Variants in LY96 observed in about 807,000 individuals in gnomAD.
LY96 encodes lymphocyte antigen 96.
In LY96, 18 loss-of-function variants were observed where a neutral mutation model predicts 18.9. The ratio of observed to expected loss-of-function variants is 0.95; its 90% CI spans 0.66 to 1.41. The LOEUF (loss-of-function observed/expected upper bound fraction) is 1.41, where lower values mean the gene tolerates loss of function less well. LY96 is among the 40% of genes most tolerant of loss of function. The probability of loss-of-function intolerance (pLI) is 0.00; values close to 1 mark genes in which losing one functional copy is unlikely to be tolerated. For missense variants in LY96, 175 were observed against 182.4 expected, an observed-to-expected ratio of 0.96 and a Z score of 0.23; for synonymous variants, 66 against 62.6, an observed-to-expected ratio of 1.06 and a Z score of -0.26.
At chr8:74,097,257 T>A in the LY96 span, among the ~76,000 whole-genome samples, 1 of 152,174 alleles carries the variant, frequency 6.6e-6, no homozygotes. Context: ...CGTTAGGCTG[T>A]CTGGGTACAA....
the LY96 span, among the ~76,000 whole-genome samples, chr8:74,044,985 A>G: frequency 6.6e-6 from 1 of 152,264 alleles, no homozygotes. Context: ...TTAAGCTGTG[A>G]GAATGTATAA....
chr8:74,078,516 C>A, the LY96 span, among the ~76,000 whole-genome samples: 2 of 152,172 alleles, frequency 1.3e-5, no homozygotes, highest in Non-Finnish European at 2.9e-5. Context: ...TATTAAGACT[C>A]ATATTTGGGA....
the LY96 span, among the ~76,000 whole-genome samples, chr8:74,035,523 C>G: frequency 6.6e-6 from 1 of 152,170 alleles, no homozygotes; most frequent in Non-Finnish European, 1.5e-5. Flanking sequence ...AATGAACTCC[C>G]TCCTCTCAGC....
chr8:74,081,033 T>A, the LY96 span, among the ~76,000 whole-genome samples: 378 of 126,194 alleles, frequency 3.0e-3, 4 homozygotes, highest in African/African-American at 5.1e-3. Flanking sequence ...TTTCTTTCTT[T>A]CTTTCTTTCT....
chr8:74,087,472 C>T, the LY96 span, among the ~76,000 whole-genome samples: 2 of 152,132 alleles, frequency 1.3e-5, no homozygotes, highest in African/African-American at 2.4e-5. Context: ...AAAACAAAGC[C>T]GTCAGCACTC....
chr8:74,048,330 T>G, the LY96 span, among the ~76,000 whole-genome samples: 2 of 152,094 alleles, frequency 1.3e-5, no homozygotes, highest in African/African-American at 4.8e-5. Context: ...GGTGCAATCT[T>G]GGCTCACTGC....
chr8:74,003,848 T>C (rs986470436), intron 1 of LY96, among the ~76,000 whole-genome samples: 1 of 152,150 alleles, frequency 6.6e-6, no homozygotes. Context: ...TTAATTTTCT[T>C]TTTCTTTCTT....
chr8:74,002,093 T>TTCTTTCTTTCTTTCTTTCTC (rs1563710943), intron 1 of LY96, among the ~76,000 whole-genome samples: 6 of 38,724 alleles, frequency 1.5e-4, no homozygotes, highest in East Asian at 6.0e-4. Flanking sequence ...CTTTCTTTCT[T>TTCTTTCTTTCTTTCTTTCTC]TCTCTCTCTC....
intron 1 of LY96, among the ~76,000 whole-genome samples, chr8:74,002,074 CCTTTCTTT>C (rs1563710848): frequency 3.7e-4 from 6 of 16,412 alleles, no homozygotes; most frequent in African/African-American, 1.2e-3. Context: ...TTCCTTCCTT[CCTTTCTTT>C]CTTTCTTTCT....
intron 1 of LY96, among the ~76,000 whole-genome samples, chr8:73,995,349 C>T (rs1235325073): frequency 6.6e-6 from 1 of 152,228 alleles, no homozygotes; most frequent in Non-Finnish European, 1.5e-5. Context: ...CTCACTGTGT[C>T]CTCACATGGC....
intron 3 of LY96, among the ~76,000 whole-genome samples, chr8:74,022,498 G>A (rs1816788224): frequency 1.3e-5 from 2 of 151,366 alleles, no homozygotes; most frequent in African/African-American, 4.9e-5. Context: ...CAACAGAAGA[G>A]GTTAGAACTC....
the LY96 span, among the ~76,000 whole-genome samples, chr8:74,065,780 T>G: frequency 6.6e-6 from 1 of 152,196 alleles, no homozygotes; most frequent in Admixed American, 6.5e-5. Context: ...AAGACAATCT[T>G]CACAACTGAG....
At chr8:74,009,491 A>G (rs910835140) in intron 2 of LY96, among the ~76,000 whole-genome samples, 2 of 151,524 alleles carry the variant, frequency 1.3e-5, no homozygotes, top group South Asian at 4.2e-4. Flanking sequence ...AAATGCATTG[A>G]TTACTGGAAT....
chr8:74,067,147 A>G, the LY96 span, among the ~76,000 whole-genome samples: 9 of 152,212 alleles, frequency 5.9e-5, no homozygotes, highest in African/African-American at 2.2e-4. Flanking sequence ...AGTCTTTGTA[A>G]TAAGTCTTAT....
At chr8:74,034,114 T>A in the LY96 span, among the ~76,000 whole-genome samples, 2 of 152,220 alleles carry the variant, frequency 1.3e-5, no homozygotes, top group African/African-American at 4.8e-5. Flanking sequence ...GGCTCACACC[T>A]GTAATCCCAG....
the LY96 span, among the ~76,000 whole-genome samples, chr8:74,061,244 G>A: frequency 1.3e-5 from 2 of 152,176 alleles, no homozygotes; most frequent in East Asian, 1.9e-4. Context: ...GAGGTAATTA[G>A]GTCTTGAAGG....
At chr8:74,022,921 T>C (rs1474075719) in intron 3 of LY96, among the ~76,000 whole-genome samples, 1 of 152,120 alleles carries the variant, frequency 6.6e-6, no homozygotes, top group Non-Finnish European at 1.5e-5. Context: ...TCAAGTCTCA[T>C]CCATCTTCCT....
chr8:74,040,116 G>A, the LY96 span, among the ~76,000 whole-genome samples: 17 of 152,228 alleles, frequency 1.1e-4, no homozygotes, highest in East Asian at 9.6e-4. Flanking sequence ...TTCAGTACCC[G>A]ACCCTATACC....
chr8:74,098,324 A>G, the LY96 span, among the ~76,000 whole-genome samples: 2 of 152,144 alleles, frequency 1.3e-5, no homozygotes, highest in African/African-American at 4.8e-5. Flanking sequence ...CAAGCTAATC[A>G]TGCCAGAATT....
Sources: gnomAD v4.1 joint callset for allele counts (sites outside exome capture counted in the v4.1 genomes callset) on GRCh38, gnomAD v4.1.1 for gene constraint, MANE v1.5 for transcripts, NCBI Gene and HGNC (gene_info 2026-07-23, HGNC 2026-07-21) for gene names.